The following CPED1 variants were observed in gnomAD, a reference collection of about 807,000 sequenced individuals.
The protein encoded by CPED1 is cadherin like and PC-esterase domain containing 1.
A neutral mutation model predicts 128.2 loss-of-function variants in CPED1; 114 were observed. The observed-to-expected ratio is 0.89, with a 90% CI of 0.76 to 1.04. The LOEUF is 1.04. Ranked by LOEUF, CPED1 falls within the 50% of genes least tolerant of loss-of-function variation. The pLI is 0.00. For synonymous variants in CPED1, 462 were observed against 426.7 expected (o/e 1.08, Z -1.02); for missense variants, 1,211 against 1,207.1 (o/e 1.00, Z -0.05).
intron 21 of CPED1, among the ~76,000 whole-genome samples, chr7:121,269,309 A>G (rs1007050186): frequency 2.6e-5 from 4 of 151,992 alleles, no homozygotes; most frequent in African/African-American, 4.8e-5. Flanking sequence ...AGGTGCATCC[A>G]TGTTTCTGCA....
chr7:121,047,608 C>T (rs1793231195), intron 4 of CPED1, among the ~76,000 whole-genome samples: 1 of 151,542 alleles, frequency 6.6e-6, no homozygotes, highest in Non-Finnish European at 1.5e-5. Flanking sequence ...GTACCCAGAT[C>T]ACTTGATATT....
chr7:121,167,093 TTGC>T (rs1796544355), intron 16 of CPED1, among the ~76,000 whole-genome samples: 1 of 152,224 alleles, frequency 6.6e-6, no homozygotes, highest in Admixed American at 6.5e-5. Context: ...CCCACCAACC[TTGC>T]TGATTAACAG....
chr7:121,081,571 A>G (rs1794296182), intron 5 of CPED1, among the ~76,000 whole-genome samples: 1 of 152,126 alleles, frequency 6.6e-6, no homozygotes, highest in Non-Finnish European at 1.5e-5. Flanking sequence ...CATTAACATC[A>G]TAGGGTTAGA....
intron 7 of CPED1, among the ~76,000 whole-genome samples, chr7:121,108,620 A>G (rs777745913): frequency 5.4e-5 from 8 of 148,384 alleles, no homozygotes; most frequent in Middle Eastern, 3.2e-3. Flanking sequence ...AGGAAATTCA[A>G]TGATATTTTC....
intron 21 of CPED1, among the ~76,000 whole-genome samples, chr7:121,267,983 A>G (rs1164400966): frequency 6.6e-6 from 1 of 152,034 alleles, no homozygotes; most frequent in African/African-American, 2.4e-5. Flanking sequence ...TCAAAAATGT[A>G]TCTGCCTGGA....
At chr7:121,292,056 G>C (rs553790433) in intron 22 of CPED1, among the ~76,000 whole-genome samples, 1 of 152,150 alleles carries the variant, frequency 6.6e-6, no homozygotes, top group South Asian at 2.1e-4. Context: ...ATGTTGGCCT[G>C]CCTTGCTAGG....
At chr7:121,060,001 C>T (rs1227330756) in intron 4 of CPED1, among the ~76,000 whole-genome samples, 1 of 152,082 alleles carries the variant, frequency 6.6e-6, no homozygotes, top group Non-Finnish European at 1.5e-5. Context: ...CCGGGCTGCG[C>T]GCGGCGCTTG....
At chr7:121,039,027 T>C (rs1792976116) in intron 3 of CPED1, among the ~76,000 whole-genome samples, 1 of 152,082 alleles carries the variant, frequency 6.6e-6, no homozygotes, top group Admixed American at 6.6e-5. Context: ...CCTCTTTCCA[T>C]ATTGAACTAC....
intron 3 of CPED1, among the ~76,000 whole-genome samples, chr7:121,032,298 A>C (rs1792754353): frequency 6.6e-6 from 1 of 152,174 alleles, no homozygotes; most frequent in Non-Finnish European, 1.5e-5. Flanking sequence ...TAGAGATAAA[A>C]ACAGTGAATT....
chr7:121,271,257 A>C, intron 21 of CPED1, 27 bp from the exon 22 acceptor site: 1 of 1,577,360 alleles, frequency 6.3e-7, no homozygotes, highest in Non-Finnish European at 8.6e-7. Context: ...GGTAATAAAA[A>C]TTCTCATTCT....
chr7:121,188,156 C>T (rs969999969), intron 16 of CPED1, among the ~76,000 whole-genome samples: 13 of 152,098 alleles, frequency 8.5e-5, no homozygotes, highest in Non-Finnish European at 4.4e-5. Flanking sequence ...GATACAATAT[C>T]TGGTAATGAC....
chr7:121,166,107 C>T (rs1796516807), intron 16 of CPED1, among the ~76,000 whole-genome samples: 1 of 149,594 alleles, frequency 6.7e-6, no homozygotes, highest in Non-Finnish European at 1.5e-5. Context: ...GCCACAAGGG[C>T]CTGAGTGCAT....
intron 16 of CPED1, among the ~76,000 whole-genome samples, chr7:121,198,581 C>T (rs1797320210): frequency 6.6e-6 from 1 of 152,012 alleles, no homozygotes; most frequent in South Asian, 2.1e-4. Context: ...TGCTTATTTT[C>T]CTCTCACTGC....
chr7:121,231,617 A>T (rs10237944), intron 16 of CPED1, among the ~76,000 whole-genome samples: 2,356 of 152,168 alleles, frequency 0.015, 67 homozygotes, highest in African/African-American at 0.054. Context: ...AGAACGTTGG[A>T]TGGAGATAGA....
rs557936662 is a variant in CPED1 at position 121,267,261 on chromosome 7, G to A, written c.2680G>A (p.Gly894Arg). The change falls in exon 21 of 23, where the codon GGA becomes AGA. Residue 894 changes from glycine (G) to arginine (R), a missense_variant. Physicochemically the swap from Gly to Arg is moderately radical, Grantham distance 125 (BLOSUM62 -2). Transcript: ENST00000310396. ...AGTGATCATCAAAACTTTGGGAATT[G>A]GATTTCATCTGCCAGTGGATGGAGT... ...ILVIIKTLGI[G>R]FHLPVDGVHF... The A allele has an allele frequency of 1.9e-6, 3 of 1,602,416 alleles. No individual in the cohort carries two copies. In the African/African-American group the frequency reaches 4.0e-5, roughly 21 times the overall value.
At chr7:121,162,006 C>A (rs1032554287) in intron 16 of CPED1, among the ~76,000 whole-genome samples, 7 of 152,184 alleles carry the variant, frequency 4.6e-5, no homozygotes, top group African/African-American at 1.7e-4. Context: ...AATGCCTACA[C>A]TGTTCTTGTC....
chr7:121,258,615 A>T (rs1043803908), intron 18 of CPED1, among the ~76,000 whole-genome samples: 1 of 152,048 alleles, frequency 6.6e-6, no homozygotes, highest in African/African-American at 2.4e-5. Flanking sequence ...TTTCTACTGG[A>T]GGAACAGACA....
At chr7:121,277,446 A>G (rs140069989) in intron 22 of CPED1, among the ~76,000 whole-genome samples, 188 of 152,272 alleles carry the variant, frequency 1.2e-3, no homozygotes, top group African/African-American at 4.3e-3. Flanking sequence ...TAGATCATCC[A>G]CAGAGCCCAG....
chr7:121,049,985 G>C (rs1161394621), intron 4 of CPED1, among the ~76,000 whole-genome samples: 1 of 152,184 alleles, frequency 6.6e-6, no homozygotes, highest in Non-Finnish European at 1.5e-5. Flanking sequence ...ATAGTGGCAA[G>C]GTTGAGAAAC....
Sources: allele counts gnomAD v4.1 joint callset (sites outside exome capture counted in the v4.1 genomes callset), GRCh38; gene constraint gnomAD v4.1.1; transcripts MANE v1.5; gene names NCBI Gene and HGNC (gene_info 2026-07-23, HGNC 2026-07-21).